SMURF2: variants seen among roughly 807,000 people sequenced by gnomAD.
The protein encoded by SMURF2 is SMAD specific E3 ubiquitin protein ligase 2, also known as E3 ubiquitin-protein ligase SMURF2.
Under a neutral mutation model 109.6 loss-of-function variants are expected in SMURF2, and 48 were observed. That is an observed-to-expected ratio of 0.44 (90% CI 0.35 to 0.56). The LOEUF is 0.56. SMURF2 is among the 20% of genes least tolerant of loss of function. The probability of loss-of-function intolerance (pLI) is 0.01; values close to 1 mark genes in which losing one functional copy is unlikely to be tolerated. For synonymous variants in SMURF2, 288 were observed against 317.1 expected, an observed-to-expected ratio of 0.91 and a Z score of 0.97; for missense variants, 575 against 909.0, an observed-to-expected ratio of 0.63 and a Z score of 4.72.
chr17:64,616,249 T>A (rs1487961272), intron 1 of SMURF2, among the ~76,000 whole-genome samples: 1 of 152,184 alleles, frequency 6.6e-6, no homozygotes, highest in Non-Finnish European at 1.5e-5. Flanking sequence ...ATTTACTATG[T>A]GCAAGTGTAC....
At chr17:64,621,354 T>C (rs1005499150) in intron 1 of SMURF2, among the ~76,000 whole-genome samples, 6 of 151,996 alleles carry the variant, frequency 3.9e-5, no homozygotes, top group Non-Finnish European at 8.8e-5. Flanking sequence ...CTGAGGTGGG[T>C]GGATCACCTG....
Position 64,571,145 on chromosome 17 carries a change from G to A in SMURF2, c.1016+653C>T, listed in dbSNP as rs533082143. 6.2e-4 allele frequency among the ~76,000 whole-genome samples: 94 copies of A among 152,128 alleles called. 1 individual carries two copies. The highest frequency in any genetic ancestry group is 3.3e-3 in the East Asian group (17 of 5,172). ...CACAGTAAGTGCTACTAAGGTGTTA[G>A]CCATTAATATAAATTATTAATAATT... On this transcript the variant is annotated intron_variant, in intron 10 of 18. Transcript: ENST00000262435.
chr17:64,582,250 A>G (rs1969588040), intron 7 of SMURF2, among the ~76,000 whole-genome samples: 1 of 152,226 alleles, frequency 6.6e-6, no homozygotes, highest in Non-Finnish European at 1.5e-5. Context: ...GAGTTAAGCA[A>G]TTAGTTCTGT....
rs1354768414 is a variant in SMURF2 at position 64,662,114 on chromosome 17, GGCAGCC to G, written c.-240_-235del. 2.9e-6 allele frequency: 3 copies of G among 1,049,366 alleles called. No individual in the cohort carries two copies. The highest frequency in any genetic ancestry group is 3.4e-6 in the Non-Finnish European group (3 of 872,120). 65.0% of individuals were successfully genotyped at this position (1,049,366 alleles called of 1,614,324 possible). ...CTCGGCCCGGGCCGCACAACAAAGC[GGCAGCC>G]GCGGCCGCCCGCGCCGCCTCCGCCC... On this transcript the variant is annotated 5_prime_UTR_variant, in exon 1 of 19. Coordinates refer to ENST00000262435, the MANE Select transcript of SMURF2 (RefSeq NM_022739.4).
At chr17:64,652,241 G>A (rs182193346) in intron 1 of SMURF2, among the ~76,000 whole-genome samples, 9 of 152,226 alleles carry the variant, frequency 5.9e-5, no homozygotes, top group Admixed American at 1.3e-4. Context: ...ATGGCACCAC[G>A]TAATAAAAAT....
chr17:64,551,739 T>A (rs200258560), intron 15 of SMURF2, 35 bp from the exon 16 acceptor site: 8 of 1,610,354 alleles, frequency 5.0e-6, no homozygotes, highest in Non-Finnish European at 6.8e-6. Flanking sequence ...TATAATCACA[T>A]GTATTTTCAG....
At chr17:64,548,165 C>A (rs1179108774) in intron 16 of SMURF2, among the ~76,000 whole-genome samples, 1 of 152,118 alleles carries the variant, frequency 6.6e-6, no homozygotes, top group African/African-American at 2.4e-5. Flanking sequence ...AAAAAATGGA[C>A]AGAAATTGAG....
At chr17:64,566,593 A>ATTTTTT (rs1568176881) in intron 10 of SMURF2, among the ~76,000 whole-genome samples, 1 of 6,312 alleles carries the variant, frequency 1.6e-4, no homozygotes, top group Non-Finnish European at 3.2e-4. Flanking sequence ...TTTTTTTTTG[A>ATTTTTT]GACAGTCTCG....
rs1264087010 is a variant in SMURF2 at position 64,545,354 on chromosome 17, T to C, written c.*494A>G. 1 of 152,644 alleles carries C rather than the reference T, an allele frequency of 6.6e-6. No individual in the cohort carries two copies. Among genetic ancestry groups the C allele is most frequent in the Non-Finnish European group, 1.5e-5 (1 of 68,056 alleles). 9.5% of individuals were successfully genotyped at this position (152,644 alleles called of 1,614,324 possible). A position where few individuals can be genotyped will look rare whatever the true frequency, so the allele number is the denominator to read the frequency against. On this transcript the variant is annotated 3_prime_UTR_variant, in exon 19 of 19. Coordinates refer to ENST00000262435, the MANE Select transcript of SMURF2 (RefSeq NM_022739.4). ...TCTTTTAGCCAATTGTTTACAAAGG[T>C]AGAATAATTCAAAATAATTTTATTT...
chr17:64,583,653 G>A, intron 6 of SMURF2, 109 bp from the exon 7 acceptor site: 1 of 735,306 alleles, frequency 1.4e-6, no homozygotes, highest in Non-Finnish European at 2.4e-6. Context: ...CCAACCCGAA[G>A]TATCAATTCA....
At chr17:64,546,037 G>T in intron 18 of SMURF2, 90 bp from the exon 19 acceptor site, 1 of 925,212 alleles carries the variant, frequency 1.1e-6, no homozygotes, top group Non-Finnish European at 1.7e-6. Context: ...ACATCACTCT[G>T]TGTCACACAG....
chr17:64,598,863 T>C (rs1969853971), intron 2 of SMURF2, among the ~76,000 whole-genome samples: 1 of 152,144 alleles, frequency 6.6e-6, no homozygotes, highest in African/African-American at 2.4e-5. Flanking sequence ...TCTCCCTCAG[T>C]AGCTCATTTA....
chr17:64,556,069 C>A, intron 13 of SMURF2, 71 bp from the exon 14 acceptor site: 1 of 1,143,872 alleles, frequency 8.7e-7, no homozygotes, highest in Admixed American at 2.4e-5. Context: ...TGAAATATTT[C>A]AGCAACATTA....
At chr17:64,655,222 G>A (rs945529079) in intron 1 of SMURF2, among the ~76,000 whole-genome samples, 35 of 142,060 alleles carry the variant, frequency 2.5e-4, no homozygotes, top group African/African-American at 8.7e-4. Context: ...CCAAAGTAAA[G>A]CAATTCTAAT....
rs782306841 is a variant in SMURF2, at chr17:64,563,864, T to C, written c.1017-898A>G. 5.3e-5 allele frequency among the ~76,000 whole-genome samples: 8 copies of C among 152,300 alleles called. No individual in the cohort carries two copies. The South Asian group carries it at 6.2e-4, about 12-fold the overall frequency. The stretch of plus-strand genomic sequence containing the variant: ...TTCAAGTGATCCTCCTGCCTCAGCC[T>C]CCTGGTAGCTAGAACTACAGGCACC... On this transcript the variant is annotated intron_variant, in intron 10 of 18. Transcript: ENST00000262435.
At chr17:64,654,452 T>C (rs1292440071) in intron 1 of SMURF2, among the ~76,000 whole-genome samples, 1 of 152,222 alleles carries the variant, frequency 6.6e-6, no homozygotes, top group Non-Finnish European at 1.5e-5. Flanking sequence ...CAACTACTTA[T>C]ATGTTGGAGA....
intron 1 of SMURF2, among the ~76,000 whole-genome samples, chr17:64,634,907 TCAA>T (rs1970395633): frequency 6.6e-6 from 1 of 152,186 alleles, no homozygotes; most frequent in African/African-American, 2.4e-5. Context: ...CAGCCAATAT[TCAA>T]TTTAGAATGA....
chr17:64,554,155 C>T (rs1203687685), intron 15 of SMURF2, among the ~76,000 whole-genome samples: 5 of 152,274 alleles, frequency 3.3e-5, no homozygotes, highest in African/African-American at 7.2e-5. Context: ...CACAAAAGCC[C>T]TTCTGAATTG....
intron 10 of SMURF2, among the ~76,000 whole-genome samples, chr17:64,569,584 T>C (rs1555685402): frequency 6.6e-6 from 1 of 152,050 alleles, no homozygotes; most frequent in Non-Finnish European, 1.5e-5. Context: ...AATAAACCTA[T>C]AAAAAGGTGC....
Sources: allele counts gnomAD v4.1 joint callset (sites outside exome capture counted in the v4.1 genomes callset), GRCh38; gene constraint gnomAD v4.1.1; transcripts MANE v1.5; gene names NCBI Gene and HGNC (gene_info 2026-07-23, HGNC 2026-07-21).